The following MKLN1 variants were observed in gnomAD, a reference collection of about 807,000 sequenced individuals.
The protein encoded by MKLN1 is muskelin 1.
Under a neutral mutation model 99.0 loss-of-function variants are expected in MKLN1, and 18 were observed. The ratio of observed to expected loss-of-function variants is 0.18; its 90% CI spans 0.13 to 0.27. The LOEUF is 0.27. MKLN1 is among the 10% of genes least tolerant of loss of function. The pLI is 1.00. For missense variants in MKLN1, 621 were observed against 875.9 expected (o/e 0.71, Z 3.67); for synonymous variants, 288 against 293.2 (o/e 0.98, Z 0.18).
chr7:131,259,399 A>G (rs998920570), intron 3 of MKLN1, among the ~76,000 whole-genome samples: 1 of 152,226 alleles, frequency 6.6e-6, no homozygotes, highest in Non-Finnish European at 1.5e-5. Flanking sequence ...AACAGTTGCT[A>G]AAATTTTGCC....
chr7:131,425,611 C>T (rs1408802682), intron 8 of MKLN1, among the ~76,000 whole-genome samples: 1 of 152,068 alleles, frequency 6.6e-6, no homozygotes, highest in Non-Finnish European at 1.5e-5. Context: ...ATAAACATTC[C>T]TCAAAGTGCT....
At chr7:131,228,198 G>A (rs1042977606) in intron 3 of MKLN1, among the ~76,000 whole-genome samples, 2 of 152,150 alleles carry the variant, frequency 1.3e-5, no homozygotes, top group Non-Finnish European at 2.9e-5. Context: ...TGAGTAGCTG[G>A]GACTACAGGT....
chr7:131,176,238 A>T (rs1796297380), intron 2 of MKLN1, among the ~76,000 whole-genome samples: 1 of 152,218 alleles, frequency 6.6e-6, no homozygotes, highest in Non-Finnish European at 1.5e-5. Flanking sequence ...ACATATTTGT[A>T]TATATTGAAG....
chr7:131,219,667 G>C (rs116508268), intron 3 of MKLN1, among the ~76,000 whole-genome samples: 4 of 151,988 alleles, frequency 2.6e-5, no homozygotes, highest in African/African-American at 9.7e-5. Context: ...AATGGCTGTC[G>C]GGCCCTGGGT....
At chr7:131,361,895 G>A (rs942227727) in intron 1 of MKLN1, among the ~76,000 whole-genome samples, 17 of 151,346 alleles carry the variant, frequency 1.1e-4, no homozygotes, top group African/African-American at 3.9e-4. Flanking sequence ...GTTTTAGTTC[G>A]GTGGTTAAAT....
chr7:131,144,715 C>T (rs1332498782), intron 2 of MKLN1, among the ~76,000 whole-genome samples: 1 of 151,942 alleles, frequency 6.6e-6, no homozygotes, highest in Non-Finnish European at 1.5e-5. Context: ...CAGTGGCTCA[C>T]ACCTGTAATC....
chr7:131,215,328 G>A (rs10249906), intron 3 of MKLN1, among the ~76,000 whole-genome samples: 2,447 of 152,316 alleles, frequency 0.016, 61 homozygotes, highest in African/African-American at 0.057. Context: ...GATTACAGGC[G>A]TGAGCCTCTG....
chr7:131,163,260 T>C (rs1796080808), intron 2 of MKLN1, among the ~76,000 whole-genome samples: 1 of 152,230 alleles, frequency 6.6e-6, no homozygotes. Flanking sequence ...AAATGGTCTA[T>C]GAAGTTCTGT....
chr7:131,391,071 T>C (rs1794185077), intron 4 of MKLN1, among the ~76,000 whole-genome samples: 1 of 151,038 alleles, frequency 6.6e-6, no homozygotes, highest in Admixed American at 6.6e-5. Flanking sequence ...CTTAAGAACT[T>C]TTTTTTTTAA....
At chr7:131,258,109 A>G (rs1186984725) in intron 3 of MKLN1, among the ~76,000 whole-genome samples, 1 of 149,162 alleles carries the variant, frequency 6.7e-6, no homozygotes, top group Non-Finnish European at 1.5e-5. Context: ...TGACAGAGTG[A>G]GACTCTGTCT....
intron 4 of MKLN1, among the ~76,000 whole-genome samples, chr7:131,393,986 AC>A (rs1477535666): frequency 6.6e-6 from 1 of 150,728 alleles, no homozygotes; most frequent in African/African-American, 2.5e-5. Flanking sequence ...ATGTCTGGTG[AC>A]ATATATAGAC....
chr7:131,162,900 G>T (rs891009971), intron 2 of MKLN1, among the ~76,000 whole-genome samples: 6 of 152,122 alleles, frequency 3.9e-5, no homozygotes, highest in African/African-American at 9.7e-5. Flanking sequence ...TTCTTAATGG[G>T]CTACTAGAAA....
At chr7:131,338,126 C>T (rs915729940) in intron 1 of MKLN1, among the ~76,000 whole-genome samples, 4 of 152,170 alleles carry the variant, frequency 2.6e-5, no homozygotes, top group Non-Finnish European at 5.9e-5. Flanking sequence ...TCTTTCCAGA[C>T]CCATGAGAGT....
intron 3 of MKLN1, among the ~76,000 whole-genome samples, chr7:131,318,325 T>C (rs1798708827): frequency 6.6e-6 from 1 of 152,178 alleles, no homozygotes; most frequent in Admixed American, 6.5e-5. Context: ...CACAATTACA[T>C]GGAAATTGAA....
intron 3 of MKLN1, among the ~76,000 whole-genome samples, chr7:131,276,734 G>A (rs757751146): frequency 2.2e-4 from 33 of 152,160 alleles, no homozygotes; most frequent in Admixed American, 4.6e-4. Context: ...ACTGAGATTT[G>A]GGGGTCATTT....
chr7:131,346,314 G>A (rs979962080), intron 1 of MKLN1, among the ~76,000 whole-genome samples: 12 of 152,188 alleles, frequency 7.9e-5, no homozygotes, highest in Admixed American at 7.2e-4. Flanking sequence ...CTTGAGGCTA[G>A]GAGTTCGAGA....
At chr7:131,453,239 C>CT (rs919287059) in intron 12 of MKLN1, among the ~76,000 whole-genome samples, 2 of 152,068 alleles carry the variant, frequency 1.3e-5, no homozygotes, top group African/African-American at 4.8e-5. Context: ...TGCAAGAACA[C>CT]TAACAACAAT....
rs994800543 is a variant in MKLN1 at position 131,494,898 on chromosome 7, G to A, written c.*7170G>A. The A allele has an allele frequency of 2.0e-5, 3 of 152,020 alleles. No homozygotes were observed. Among genetic ancestry groups the A allele is most frequent in the Non-Finnish European group, 4.4e-5 (3 of 67,988 alleles). 9.4% of individuals were successfully genotyped at this position (152,020 alleles called of 1,614,324 possible). On this transcript the variant is annotated 3_prime_UTR_variant, in exon 18 of 18. Transcript: ENST00000352689. ...TTCCTGTGAACAGATTCCTTTATGC[G>A]TACATACTTTATAAATATACATACA...
intron 8 of MKLN1, among the ~76,000 whole-genome samples, chr7:131,416,826 TA>T (rs1284134555): frequency 6.6e-6 from 1 of 151,150 alleles, no homozygotes; most frequent in East Asian, 1.9e-4. Flanking sequence ...CTATAAGAAA[TA>T]AAAAAATCAG....
Sources: gnomAD v4.1 joint callset for allele counts (sites outside exome capture counted in the v4.1 genomes callset) on GRCh38, gnomAD v4.1.1 for gene constraint, MANE v1.5 for transcripts, NCBI Gene and HGNC (gene_info 2026-07-23, HGNC 2026-07-21) for gene names.